The following DMRT1 variants were observed in gnomAD, a reference collection of about 807,000 sequenced individuals.
The protein encoded by DMRT1 is doublesex- and mab-3-related transcription factor 1.
A neutral mutation model predicts 32.3 loss-of-function variants in DMRT1; 7 were observed. That is an observed-to-expected ratio of 0.22 (90% CI 0.12 to 0.41). DMRT1 has a LOEUF of 0.41. Ranked by LOEUF, DMRT1 falls within the 10% of genes least tolerant of loss-of-function variation. The probability of loss-of-function intolerance (pLI) is 1.00; values close to 1 mark genes in which losing one functional copy is unlikely to be tolerated. For synonymous variants in DMRT1, 278 were observed against 206.1 expected (o/e 1.35, Z -2.99); for missense variants, 625 against 500.5 (o/e 1.25, Z -2.37).
intron 4 of DMRT1, among the ~76,000 whole-genome samples, chr9:929,128 C>T (rs1818626136): frequency 6.6e-6 from 1 of 152,122 alleles, no homozygotes; most frequent in Non-Finnish European, 1.5e-5. Flanking sequence ...CATGAGCCAC[C>T]ACTCCCGGCT....
intron 4 of DMRT1, among the ~76,000 whole-genome samples, chr9:946,165 C>A (rs555847749): frequency 2.0e-5 from 3 of 151,118 alleles, no homozygotes; most frequent in Admixed American, 1.3e-4. Flanking sequence ...CAAACAAATG[C>A]TGCCCTCTCC....
chr9:894,403 C>A, intron 3 of DMRT1: 1 of 624,712 alleles, frequency 1.6e-6, no homozygotes, highest in South Asian at 1.8e-5. Flanking sequence ...ATTTTTTACT[C>A]TGTCAATAAT....
At chr9:961,107 G>T (rs1272133316) in intron 4 of DMRT1, among the ~76,000 whole-genome samples, 1 of 152,144 alleles carries the variant, frequency 6.6e-6, no homozygotes, top group African/African-American at 2.4e-5. Flanking sequence ...CCTGTCCAAG[G>T]TCTTCAGGTA....
At chr9:849,613 T>C (rs1158748242) in intron 2 of DMRT1, among the ~76,000 whole-genome samples, 2 of 152,184 alleles carry the variant, frequency 1.3e-5, no homozygotes, top group East Asian at 3.8e-4. Flanking sequence ...GGGGGCAAGA[T>C]AGAGGGTTCA....
intron 2 of DMRT1, among the ~76,000 whole-genome samples, chr9:849,113 C>G (rs940630001): frequency 5.3e-5 from 8 of 151,732 alleles, no homozygotes; most frequent in Non-Finnish European, 1.2e-4. Context: ...TTATTATCCT[C>G]ATTTACAGAT....
intron 4 of DMRT1, among the ~76,000 whole-genome samples, chr9:932,387 A>G (rs1818754152): frequency 6.6e-6 from 1 of 152,210 alleles, no homozygotes; most frequent in South Asian, 2.1e-4. Flanking sequence ...TGATGTTATA[A>G]TGAGCCAATG....
chr9:962,473 G>C (rs764072282), intron 4 of DMRT1, among the ~76,000 whole-genome samples: 2 of 150,850 alleles, frequency 1.3e-5, no homozygotes, highest in Non-Finnish European at 2.9e-5. Context: ...GTTGCTTGTG[G>C]TGACCTCCTC....
chr9:893,906 A>C lies in DMRT1; in HGVS notation c.539-6A>C, dbSNP rs1267794823. The C allele has an allele frequency of 6.2e-7, 1 of 1,613,508 alleles. No individual in the cohort carries two copies. Reference sequence around the variant, plus strand: ...TGTTGTATTTTTCTTTTTTCTTCCAATTTAGAGGGACGTATGGTCATCCAG... The same window carrying C: ...TGTTGTATTTTTCTTTTTTCTTCCACTTTAGAGGGACGTATGGTCATCCAG... On this transcript the variant is annotated splice_polypyrimidine_tract_variant and splice_region_variant and intron_variant, in intron 2 of 4. Transcript: ENST00000382276.
intron 4 of DMRT1, among the ~76,000 whole-genome samples, chr9:954,847 G>A (rs1414483253): frequency 6.6e-6 from 1 of 151,942 alleles, no homozygotes; most frequent in Non-Finnish European, 1.5e-5. Flanking sequence ...TCACCATGTT[G>A]GCCAGGCTGG....
Position 841,830 on chromosome 9 carries a change from A to G in DMRT1, c.-9A>G. On this transcript the variant is annotated 5_prime_UTR_variant, in exon 1 of 5. Transcript: ENST00000382276. ...GGGCCAGAGTGCTCGCACTTCTCCT[A>G]GGGGCACCATGCCCAACGACGAGGC... The G allele has an allele frequency of 6.2e-7, 1 of 1,607,594 alleles. No individual in the cohort carries two copies. The highest frequency in any genetic ancestry group is 8.5e-7 in the Non-Finnish European group (1 of 1,177,502).
In DMRT1 at chr9:867,761, G is replaced by A. The variant is rs55770804; in HGVS notation, c.538+20618G>A. On this transcript the variant is annotated intron_variant, in intron 2 of 4. Coordinates refer to ENST00000382276, the MANE Select transcript of DMRT1 (RefSeq NM_021951.3). ...ACTGGGACCCAGTAGGTGGCCAGGT[G>A]GTTTGTATCTTGGTACAAGGGTAAG... 1.5e-3 allele frequency among the ~76,000 whole-genome samples: 221 copies of A among 152,228 alleles called. 1 individual carries two copies. Among genetic ancestry groups the A allele is most frequent in the African/African-American group, 5.0e-3 (206 of 41,532 alleles).
intron 2 of DMRT1, among the ~76,000 whole-genome samples, chr9:886,682 T>A (rs117861567): frequency 1.3e-5 from 2 of 152,126 alleles, no homozygotes. Flanking sequence ...TATATAAATA[T>A]ATACATATTT....
Position 846,947 on chromosome 9 carries a change from C to A in DMRT1, c.355-13C>A. 1.2e-6 allele frequency: 2 copies of A among 1,613,996 alleles called. No individual in the cohort carries two copies. Among genetic ancestry groups the A allele is most frequent in the South Asian group, 2.2e-5 (2 of 91,068 alleles). The stretch of plus-strand genomic sequence containing the variant: ...GGAGTGCTGGAGGATGACTCATTGT[C>A]GTGTGCTTCCAGGTGGCCCTGAGAA... On this transcript the variant is annotated splice_polypyrimidine_tract_variant and intron_variant, in intron 1 of 4. Coordinates refer to ENST00000382276, the MANE Select transcript of DMRT1 (RefSeq NM_021951.3).
intron 4 of DMRT1, among the ~76,000 whole-genome samples, chr9:930,563 C>T (rs1046474109): frequency 2.0e-5 from 3 of 152,054 alleles, no homozygotes; most frequent in Non-Finnish European, 2.9e-5. Context: ...CGCCCGCCAC[C>T]ATGCCCAGCA....
At chr9:900,434 G>A (rs1425161373) in intron 3 of DMRT1, among the ~76,000 whole-genome samples, 1 of 152,028 alleles carries the variant, frequency 6.6e-6, no homozygotes, top group African/African-American at 2.4e-5. Context: ...TTGTTAGCTT[G>A]AAAGAATGGT....
intron 2 of DMRT1, among the ~76,000 whole-genome samples, chr9:867,360 G>A (rs1214631484): frequency 6.6e-6 from 1 of 152,212 alleles, no homozygotes; most frequent in African/African-American, 2.4e-5. Context: ...TGGGAAGCCA[G>A]GAGAGCGGGC....
At chr9:892,944 C>G (rs953558245) in intron 2 of DMRT1, among the ~76,000 whole-genome samples, 1 of 152,170 alleles carries the variant, frequency 6.6e-6, no homozygotes, top group Admixed American at 6.5e-5. Context: ...TCATTTTTCA[C>G]CTGTGTCCTG....
intron 3 of DMRT1, among the ~76,000 whole-genome samples, chr9:914,903 C>A (rs1818121056): frequency 1.3e-5 from 2 of 152,184 alleles, no homozygotes; most frequent in African/African-American, 4.8e-5. Flanking sequence ...ACCCAAAGTA[C>A]ACTTAAGCCA....
chr9:852,617 G>A (rs984082832), intron 2 of DMRT1, among the ~76,000 whole-genome samples: 2 of 152,204 alleles, frequency 1.3e-5, no homozygotes, highest in African/African-American at 2.4e-5. Context: ...ATGAAGGGTT[G>A]CATTGTAGAT....
Sources: gnomAD v4.1 joint callset for allele counts (sites outside exome capture counted in the v4.1 genomes callset) on GRCh38, gnomAD v4.1.1 for gene constraint, MANE v1.5 for transcripts, NCBI Gene and HGNC (gene_info 2026-07-23, HGNC 2026-07-21) for gene names.